Variants in RYR3 observed in about 807,000 individuals in gnomAD.
The protein encoded by RYR3 is brain ryanodine receptor-calcium release channel.
Under a neutral mutation model 584.3 loss-of-function variants are expected in RYR3, and 207 were observed. The observed-to-expected ratio is 0.35, with a 90% CI of 0.32 to 0.40. The LOEUF is 0.40. RYR3 is among the 10% of genes least tolerant of loss of function. The pLI is 1.00. For missense variants in RYR3, 5,616 were observed against 6,089.2 expected (o/e 0.92, Z 2.59); for synonymous variants, 2,416 against 2,248.5 (o/e 1.07, Z -2.11).
intron 70 of RYR3, 37 bp from the exon 71 acceptor site, chr15:33,810,442 T>A: frequency 6.2e-7 from 1 of 1,609,704 alleles, no homozygotes; most frequent in Non-Finnish European, 8.5e-7. Flanking sequence ...GGAGAATCAC[T>A]GAACCCCTCT....
At chr15:33,585,585 A>C (rs1221021521) in intron 15 of RYR3, among the ~76,000 whole-genome samples, 1 of 152,250 alleles carries the variant, frequency 6.6e-6, no homozygotes, top group Non-Finnish European at 1.5e-5. Context: ...AGAAACTCAG[A>C]ATATTTTCCA....
chr15:33,519,970 C>T (rs760570986), intron 3 of RYR3, among the ~76,000 whole-genome samples: 5 of 151,996 alleles, frequency 3.3e-5, no homozygotes, highest in African/African-American at 7.3e-5. Context: ...CAAGAAGAAT[C>T]GATCTCCAAC....
Position 33,311,467 on chromosome 15 carries a change from G to A in RYR3, c.51+371G>A, listed in dbSNP as rs1246529510. ...ATCGGCGTTGGAAGCCCTCGCCCCG[G>A]GGTCGGCCCTCTGACACCTCCATAC... On this transcript the variant is annotated intron_variant, in intron 1 of 103. Coordinates refer to ENST00000634891, the MANE Select transcript of RYR3 (RefSeq NM_001036.6). The surrounding 1 kb of genome is among the most constrained non-coding windows in gnomAD (Gnocchi z 4.4). 6.6e-6 allele frequency among the ~76,000 whole-genome samples: 1 copy of A among 152,182 alleles called. No homozygotes were observed. The highest frequency in any genetic ancestry group is 1.5e-5 in the Non-Finnish European group (1 of 68,028).
chr15:33,706,273 G>A (rs8028974), intron 42 of RYR3, among the ~76,000 whole-genome samples: 95,167 of 152,028 alleles, frequency 0.63, 30,090 homozygotes, highest in East Asian at 0.86. Flanking sequence ...TTAACTGTAT[G>A]TGTAGTATTC....
intron 1 of RYR3, among the ~76,000 whole-genome samples, chr15:33,341,979 A>G (rs1467344552): frequency 6.6e-6 from 1 of 152,216 alleles, no homozygotes; most frequent in Non-Finnish European, 1.5e-5. Flanking sequence ...CAGGACCTGA[A>G]CTGGAATTTA....
At chr15:33,787,451 G>A (rs530262777) in intron 66 of RYR3, among the ~76,000 whole-genome samples, 2 of 151,922 alleles carry the variant, frequency 1.3e-5, no homozygotes, top group East Asian at 3.9e-4. Flanking sequence ...TTGAAAAGGT[G>A]AATGTAGATT....
intron 52 of RYR3, among the ~76,000 whole-genome samples, chr15:33,744,965 TGAATCCATG>T (rs2070537677): frequency 6.6e-6 from 1 of 151,988 alleles, no homozygotes; most frequent in Non-Finnish European, 1.5e-5. Flanking sequence ...GTGTAGAAAA[TGAATCCATG>T]GAGAGGCAGC....
chr15:33,484,550 C>T (rs1280448924), intron 2 of RYR3, among the ~76,000 whole-genome samples: 3 of 152,160 alleles, frequency 2.0e-5, no homozygotes, highest in Admixed American at 6.5e-5. Context: ...TGAAGGAAAA[C>T]ATAGACTTGT....
At chr15:33,415,447 T>C (rs182864770) in intron 1 of RYR3, among the ~76,000 whole-genome samples, 1 of 152,186 alleles carries the variant, frequency 6.6e-6, no homozygotes, top group East Asian at 1.9e-4. Flanking sequence ...TGAATAAAGA[T>C]TCCATATGTT....
intron 1 of RYR3, among the ~76,000 whole-genome samples, chr15:33,397,833 T>C (rs1257615807): frequency 1.3e-5 from 2 of 152,160 alleles, no homozygotes; most frequent in Non-Finnish European, 2.9e-5. Flanking sequence ...TATTTTAATA[T>C]TAATTCTGGC....
intron 98 of RYR3, among the ~76,000 whole-genome samples, chr15:33,857,349 A>AGCCTCTCTCTCTGTGTCTC (rs2079795133): frequency 6.6e-6 from 1 of 151,778 alleles, no homozygotes. Flanking sequence ...GCCTGTGTCT[A>AGCCTCTCTCTCTGTGTCTC]GCCTCTCTCT....
chr15:33,780,402 A>G (rs947580690), intron 65 of RYR3, 61 bp downstream of exon 65: 2 of 1,569,686 alleles, frequency 1.3e-6, no homozygotes, highest in African/African-American at 2.7e-5. Flanking sequence ...GAGGAGCCAC[A>G]CAGGCAGGGA....
chr15:33,844,622 AT>A (rs149169969), intron 92 of RYR3, among the ~76,000 whole-genome samples: 1,759 of 152,154 alleles, frequency 0.012, 27 homozygotes, highest in African/African-American at 0.041. Context: ...CCTAATTTTA[AT>A]TTTTTTGCTT....
intron 16 of RYR3, among the ~76,000 whole-genome samples, chr15:33,589,192 T>C (rs1419531850): frequency 6.6e-6 from 1 of 152,244 alleles, no homozygotes; most frequent in Non-Finnish European, 1.5e-5. Flanking sequence ...GGTTTTAGTT[T>C]GCACTTCGCT....
rs551567128 is a variant in RYR3, at chr15:33,390,969, A to G, written c.51+79873A>G. ...ATTTCTCTGCCTGTGTCTTTCCCTT[A>G]TGATCCAGCTGTGTATTCTTACTAT... On this transcript the variant is annotated intron_variant, in intron 1 of 103. Transcript: ENST00000634891. This position sits in a 1 kb window ranked among gnomAD's most constrained non-coding sequence, Gnocchi z 4.2. Among the ~76,000 whole-genome samples, 1 of 152,316 alleles carries G rather than the reference A, an allele frequency of 6.6e-6. No homozygotes were observed. The highest frequency in any genetic ancestry group is 1.9e-4 in the East Asian group (1 of 5,184).
intron 1 of RYR3, among the ~76,000 whole-genome samples, chr15:33,342,778 A>G (rs1342722776): frequency 6.6e-6 from 1 of 152,186 alleles, no homozygotes; most frequent in East Asian, 1.9e-4. Flanking sequence ...TGCTGTACTC[A>G]GAGAATCAAT....
At chr15:33,765,353 C>T (rs1363327919) in intron 60 of RYR3, among the ~76,000 whole-genome samples, 1 of 151,964 alleles carries the variant, frequency 6.6e-6, no homozygotes, top group Non-Finnish European at 1.5e-5. Context: ...AGTTAGGAGG[C>T]CAGGCGCGGT....
At chr15:33,717,287 G>T (rs1596297940) in intron 43 of RYR3, among the ~76,000 whole-genome samples, 1 of 152,048 alleles carries the variant, frequency 6.6e-6, no homozygotes, top group South Asian at 2.1e-4. Context: ...CTACTTGAAG[G>T]TTTAATACGC....
Position 33,750,021 on chromosome 15 carries a change from G to A in RYR3, c.8242G>A (p.Ala2748Thr). The A allele has an allele frequency of 3.1e-6, 5 of 1,612,572 alleles. No homozygotes were observed. The highest frequency in any genetic ancestry group is 4.2e-6 in the Non-Finnish European group (5 of 1,179,434). Reference sequence around the variant, plus strand: ...GGCTGAGAACTATCACAATATCTGGGCCAAGAAGAAGAAGCTGGAGCTGGA... The same window carrying A: ...GGCTGAGAACTATCACAATATCTGGACCAAGAAGAAGAAGCTGGAGCTGGA... ...VVAENYHNIW[A>T]KKKKLELESK... Residue 2748 changes from alanine to threonine, a missense_variant, in exon 56 of 104, where the codon GCC (alanine) becomes ACC (threonine). Transcript: ENST00000634891.
Sources: gnomAD v4.1 joint callset for allele counts (sites outside exome capture counted in the v4.1 genomes callset) on GRCh38, gnomAD v4.1.1 for gene constraint, Gnocchi (gnomAD v3.1) non-coding constraint, MANE v1.5 for transcripts, NCBI Gene and HGNC (gene_info 2026-07-23, HGNC 2026-07-21) for gene names.